Variants in SGSM2 observed in about 807,000 individuals in gnomAD.
The protein encoded by SGSM2 is small G protein signaling modulator 2, also known as RUN and TBC1 domain containing 1.
Under a neutral mutation model 126.6 loss-of-function variants are expected in SGSM2, and 89 were observed. The observed-to-expected ratio is 0.70, with a 90% CI of 0.59 to 0.84. SGSM2 has a LOEUF of 0.84. Ranked by LOEUF, SGSM2 falls within the 40% of genes least tolerant of loss-of-function variation. The probability of loss-of-function intolerance (pLI) is 0.00; values close to 1 mark genes in which losing one functional copy is unlikely to be tolerated. For synonymous variants in SGSM2, 614 were observed against 574.3 expected (o/e 1.07, Z -0.99); for missense variants, 1,404 against 1,416.6 (o/e 0.99, Z 0.14).
chr17:2,371,114 G>T (rs2065848724), intron 12 of SGSM2, 148 bp from the exon 13 acceptor site: 2 of 870,104 alleles, frequency 2.3e-6, no homozygotes, highest in Non-Finnish European at 3.4e-6. Flanking sequence ...CCATCTCTGG[G>T]CTCTGGACCA....
chr17:2,365,317 T>G lies in SGSM2; in HGVS notation c.1264T>G (p.Tyr422Asp), dbSNP rs1344183107. Residue 422 changes from tyrosine to aspartate, a missense_variant, in exon 11 of 24, where the codon TAC becomes GAC. Coordinates refer to ENST00000268989, the MANE Select transcript of SGSM2 (RefSeq NM_014853.3). Reference sequence around the variant, plus strand: ...CACCGACTATGTGTTCCGGATCATCTACCCCGGCCACAGGCACGAGCACAG... The same window carrying G: ...CACCGACTATGTGTTCCGGATCATCGACCCCGGCCACAGGCACGAGCACAG... The part of the protein sequence containing the change: ...RATDYVFRII[Y>D]PGHRHEHITI... The G allele has an allele frequency of 3.2e-6, 5 of 1,572,514 alleles. No individual in the cohort carries two copies. In the South Asian group the frequency reaches 5.8e-5, roughly 18 times the overall value.
At position 2,363,387 on chromosome 17, in the gene SGSM2, A is replaced by G; in HGVS notation, c.673-78A>G. 6.3e-7 allele frequency: 1 copy of G among 1,592,464 alleles called. No homozygotes were observed. ...CCCCTGGGGTCAGCTGGAGAGGGTCAGCATGGAAGCGTGAGGGTTCCCAAG... is the reference window on the plus strand; with the variant it reads ...CCCCTGGGGTCAGCTGGAGAGGGTCGGCATGGAAGCGTGAGGGTTCCCAAG... On this transcript the variant is annotated intron_variant, in intron 6 of 23. Coordinates refer to ENST00000268989, the MANE Select transcript of SGSM2 (RefSeq NM_014853.3). The surrounding 1 kb of genome is among the most constrained non-coding windows in gnomAD (Gnocchi z 4.2).
chr17:2,372,941 C>T lies in SGSM2; in HGVS notation c.1789-12C>T, dbSNP rs545281629. ...TGGAGGCTGCACAGTCTTGACTCCCCGGGTCCCTCAGAACTACAAAGAGCT... is the reference window on the plus strand; with the variant it reads ...TGGAGGCTGCACAGTCTTGACTCCCTGGGTCCCTCAGAACTACAAAGAGCT... On this transcript the variant is annotated splice_polypyrimidine_tract_variant and intron_variant, in intron 15 of 23. Coordinates refer to ENST00000268989, the MANE Select transcript of SGSM2 (RefSeq NM_014853.3). The surrounding 1 kb of genome is among the most constrained non-coding windows in gnomAD (Gnocchi z 6.0). 178 of 1,556,150 alleles carry T rather than the reference C, an allele frequency of 1.1e-4. No individual in the cohort carries two copies. The highest frequency in any genetic ancestry group is 3.3e-4 in the Middle Eastern group (2 of 6,020).
chr17:2,348,542 G>A (rs2064705171), intron 2 of SGSM2, among the ~76,000 whole-genome samples: 1 of 152,186 alleles, frequency 6.6e-6, no homozygotes. Flanking sequence ...TTGGGGCATT[G>A]CGGAGGGCAT....
rs377565436 is a variant in SGSM2, at chr17:2,347,267, A to G, written c.133+3647A>G. On this transcript the variant is annotated intron_variant, in intron 2 of 23. Coordinates refer to ENST00000268989, the MANE Select transcript of SGSM2 (RefSeq NM_014853.3). ...ATTACAGGTGCCTGCCACCACACCT[A>G]GCTAATTTTTGTATTTTTAGTAGAG... is the stretch of plus-strand genomic sequence containing the variant. 9.2e-5 allele frequency among the ~76,000 whole-genome samples: 14 copies of G among 152,042 alleles called. No homozygotes were observed. The East Asian group carries it at 2.0e-3, about 21-fold the overall frequency.
rs368841779 is a variant in SGSM2, at chr17:2,372,270, G to T, written c.1642+16G>T. The T allele has an allele frequency of 6.2e-7, 1 of 1,612,544 alleles. No homozygotes were observed. Among genetic ancestry groups the T allele is most frequent in the Non-Finnish European group, 8.5e-7 (1 of 1,179,498 alleles). ...TTCTACGGCTGTGAGTGTGGGGCGC[G>T]CCGGGCTGTGGCGGGCTGGGGGCGG... On this transcript the variant is annotated intron_variant, in intron 14 of 23. Transcript: ENST00000268989. This position sits in a 1 kb window ranked among gnomAD's most constrained non-coding sequence, Gnocchi z 6.0.
At chr17:2,364,037 C>T in intron 7 of SGSM2, 22 bp from the exon 8 acceptor site, 1 of 1,613,946 alleles carries the variant, frequency 6.2e-7, no homozygotes, top group Non-Finnish European at 8.5e-7. Flanking sequence ...CATCGTCGGT[C>T]TTCCGGTGTC....
chr17:2,349,664 C>T (rs775711077), intron 2 of SGSM2, among the ~76,000 whole-genome samples: 5 of 151,998 alleles, frequency 3.3e-5, no homozygotes, highest in Admixed American at 2.6e-4. Flanking sequence ...TGGTTGCAGG[C>T]GGAGGAGCTG....
chr17:2,348,694 G>T (rs1214029069), intron 2 of SGSM2, among the ~76,000 whole-genome samples: 3 of 152,130 alleles, frequency 2.0e-5, no homozygotes, highest in Non-Finnish European at 4.4e-5. Context: ...AGCAATGCAG[G>T]CAACACACAC....
chr17:2,371,546 T>G, intron 13 of SGSM2, 131 bp downstream of exon 13: 1 of 1,170,486 alleles, frequency 8.5e-7, no homozygotes, highest in Non-Finnish European at 1.2e-6. Flanking sequence ...GGGTTCAAAT[T>G]TCACTTTTGC....
At chr17:2,338,786 T>TATATATATATATATATATAA (rs1481763507) in intron 1 of SGSM2, among the ~76,000 whole-genome samples, 36 of 149,730 alleles carry the variant, frequency 2.4e-4, no homozygotes, top group African/African-American at 7.3e-4. Flanking sequence ...TATATATATA[T>TATATATATATATATATATAA]ATAACCTCAC....
intron 13 of SGSM2, 195 bp from the exon 14 acceptor site, chr17:2,371,994 CG>C: frequency 1.7e-6 from 1 of 605,658 alleles, no homozygotes; most frequent in Middle Eastern, 4.5e-4. Flanking sequence ...GGGGGCCAGG[CG>C]GGGGCCCCAC....
chr17:2,348,263 A>G (rs1401194548), intron 2 of SGSM2, among the ~76,000 whole-genome samples: 2 of 152,092 alleles, frequency 1.3e-5, no homozygotes, highest in African/African-American at 4.8e-5. Flanking sequence ...GCACATTCTG[A>G]GATTTGGACT....
chr17:2,372,920 G>A lies in SGSM2; in HGVS notation c.1789-33G>A. Reference sequence around the variant, plus strand: ...CCAGCTGGGCCACGGTGACTGTGGAGGCTGCACAGTCTTGACTCCCCGGGT... The same window carrying A: ...CCAGCTGGGCCACGGTGACTGTGGAAGCTGCACAGTCTTGACTCCCCGGGT... On this transcript the variant is annotated intron_variant, in intron 15 of 23. Coordinates refer to ENST00000268989, the MANE Select transcript of SGSM2 (RefSeq NM_014853.3). The surrounding 1 kb of genome is among the most constrained non-coding windows in gnomAD (Gnocchi z 6.0). 1 of 1,551,098 alleles carries A rather than the reference G, an allele frequency of 6.4e-7. No homozygotes were observed. The highest frequency in any genetic ancestry group is 8.7e-7 in the Non-Finnish European group (1 of 1,146,686).
chr17:2,340,806 G>T (rs147368992), intron 1 of SGSM2, among the ~76,000 whole-genome samples: 8 of 151,990 alleles, frequency 5.3e-5, no homozygotes, highest in African/African-American at 1.2e-4. Context: ...GGATGGTCTC[G>T]ATCTCCTGAC....
intron 2 of SGSM2, among the ~76,000 whole-genome samples, chr17:2,346,687 G>T (rs1022671588): frequency 2.0e-5 from 3 of 152,098 alleles, no homozygotes; most frequent in Admixed American, 6.6e-5. Context: ...CGGCAGCAGG[G>T]GGGTGGGTGG....
In SGSM2 at chr17:2,363,443, T is replaced by C. The variant is rs1411723393; in HGVS notation, c.673-22T>C. The C allele has an allele frequency of 6.2e-7, 1 of 1,612,122 alleles. No homozygotes were observed. Among genetic ancestry groups the C allele is most frequent in the South Asian group, 1.1e-5 (1 of 91,034 alleles). Reference sequence around the variant, plus strand: ...AGGCCAGTTTCCCAAGGCTGGAGGCTGAGCCCCGGCCTTCCACACAGATCC... The same window carrying C: ...AGGCCAGTTTCCCAAGGCTGGAGGCCGAGCCCCGGCCTTCCACACAGATCC... On this transcript the variant is annotated intron_variant, in intron 6 of 23. Coordinates refer to ENST00000268989, the MANE Select transcript of SGSM2 (RefSeq NM_014853.3). This position sits in a 1 kb window ranked among gnomAD's most constrained non-coding sequence, Gnocchi z 4.2.
chr17:2,373,310 C>T (rs776717665), intron 16 of SGSM2, 21 bp from the exon 17 acceptor site: 60 of 1,603,200 alleles, frequency 3.7e-5, no homozygotes, highest in Admixed American at 2.8e-4. Context: ...CCCCCATGGT[C>T]GTGGTGTGGT....
chr17:2,377,037 C>A lies in SGSM2; in HGVS notation c.2771C>A (p.Thr924Asn). ...QNFPNGGAMD[T>N]HFANMRSLIQ... is the part of the protein sequence containing the mutation. ...TTCCCCAACGGGGGTGCCATGGACA[C>A]CCACTTTGCCAACATGCGCTCCCTC... The change falls in exon 21 of 24, where the codon ACC becomes AAC. Residue 924 changes from threonine to asparagine, a missense_variant. Coordinates refer to ENST00000268989, the MANE Select transcript of SGSM2 (RefSeq NM_014853.3). The A allele has an allele frequency of 6.2e-7, 1 of 1,613,728 alleles. No individual in the cohort carries two copies. The highest frequency in any genetic ancestry group is 8.5e-7 in the Non-Finnish European group (1 of 1,179,828).
Sources: allele counts gnomAD v4.1 joint callset (sites outside exome capture counted in the v4.1 genomes callset), GRCh38; gene constraint gnomAD v4.1.1; non-coding constraint Gnocchi (gnomAD v3.1); transcripts MANE v1.5; gene names NCBI Gene and HGNC (gene_info 2026-07-23, HGNC 2026-07-21).